Variants in AFF3 observed in about 807,000 individuals in gnomAD.
AFF3 encodes the protein AF4/FMR2 family member 3.
AFF3 carries 32 observed loss-of-function variants against 129.7 expected under a neutral mutation model. That is an observed-to-expected ratio of 0.25 (90% CI 0.19 to 0.33). The LOEUF (loss-of-function observed/expected upper bound fraction) is 0.33. Ranked by LOEUF, AFF3 falls within the 10% of genes least tolerant of loss-of-function variation. AFF3 has a pLI of 1.00. For missense variants in AFF3, 1,373 were observed against 1,592.0 expected, an observed-to-expected ratio of 0.86 and a Z score of 2.34; for synonymous variants, 644 against 635.4, an observed-to-expected ratio of 1.01 and a Z score of -0.20.
intron 8 of AFF3, among the ~76,000 whole-genome samples, chr2:99,836,987 C>T (rs532592724): frequency 2.6e-5 from 4 of 152,114 alleles, no homozygotes; most frequent in Non-Finnish European, 5.9e-5. Context: ...ATGAAAAGGA[C>T]GGGCTCACAG....
At chr2:99,789,176 T>C (rs1450507765) in intron 8 of AFF3, among the ~76,000 whole-genome samples, 1 of 152,180 alleles carries the variant, frequency 6.6e-6, no homozygotes, top group African/African-American at 2.4e-5. Flanking sequence ...GTGCCATGCC[T>C]GTAATTCCAA....
At chr2:99,581,401 T>G (rs1000781085) in intron 17 of AFF3, among the ~76,000 whole-genome samples, 1 of 152,236 alleles carries the variant, frequency 6.6e-6, no homozygotes, top group Non-Finnish European at 1.5e-5. Context: ...CTGAGGATGC[T>G]GTAAGATTTA....
At position 100,072,931 on chromosome 2, in the gene AFF3, G is replaced by A. The variant is rs187495779; in HGVS notation, c.53+31471C>T. ...ATTAAATGACTTGGCTAGTTCACTC[G>A]TTGATTAAAATACGAAGAAGTTATT... is the stretch of plus-strand genomic sequence containing the variant. On this transcript the variant is annotated intron_variant, in intron 4 of 24. Coordinates refer to ENST00000672756, the MANE Select transcript of AFF3 (RefSeq NM_001386135.1). Among the ~76,000 whole-genome samples the A allele has an allele frequency of 4.6e-5, 7 of 152,164 alleles. 1 individual carries two copies. In the East Asian group the frequency reaches 1.2e-3, roughly 25 times the overall value.
intron 7 of AFF3, among the ~76,000 whole-genome samples, chr2:99,927,463 A>G (rs1304220491): frequency 6.6e-6 from 1 of 152,208 alleles, no homozygotes; most frequent in Non-Finnish European, 1.5e-5. Context: ...TATCCTAGGC[A>G]AATGAACTCA....
chr2:99,821,560 A>G (rs1687685486), intron 8 of AFF3, among the ~76,000 whole-genome samples: 2 of 152,348 alleles, frequency 1.3e-5, no homozygotes, highest in South Asian at 2.1e-4. Context: ...GTTGGGCCGC[A>G]TTCAAAGCCG....
At chr2:99,901,857 A>G (rs938165736) in intron 7 of AFF3, among the ~76,000 whole-genome samples, 3 of 151,994 alleles carry the variant, frequency 2.0e-5, no homozygotes, top group South Asian at 2.1e-4. Flanking sequence ...TGCCCCCCAG[A>G]GCAGAAGGCC....
chr2:100,042,614 A>C (rs997288470), intron 4 of AFF3, among the ~76,000 whole-genome samples: 4 of 152,088 alleles, frequency 2.6e-5, no homozygotes, highest in African/African-American at 9.7e-5. Flanking sequence ...AGAAAAAAAA[A>C]TTTAGCAGCT....
At chr2:100,079,634 C>T (rs1688880839) in intron 4 of AFF3, among the ~76,000 whole-genome samples, 2 of 152,132 alleles carry the variant, frequency 1.3e-5, no homozygotes, top group Non-Finnish European at 2.9e-5. Context: ...ATATGATGAA[C>T]TGTACTTTCT....
chr2:99,677,522 G>A (rs1009120951), intron 11 of AFF3, among the ~76,000 whole-genome samples: 1 of 152,112 alleles, frequency 6.6e-6, no homozygotes, highest in Non-Finnish European at 1.5e-5. Flanking sequence ...TACAATGATT[G>A]TTGGGCATGT....
At chr2:99,947,321 T>C (rs1675664945) in intron 7 of AFF3, among the ~76,000 whole-genome samples, 2 of 151,990 alleles carry the variant, frequency 1.3e-5, no homozygotes, top group African/African-American at 4.8e-5. Flanking sequence ...CAGACACCTG[T>C]AATCCCAGCT....
In AFF3 at chr2:100,134,761, C is replaced by T. The variant is rs534311498; in HGVS notation, c.-227-5455G>A. The stretch of plus-strand genomic sequence containing the variant: ...ATCATTTACTGAAAAGTTATCCAAT[C>T]GTTCATTTATTCAGTAAACAGTTTA... On this transcript the variant is annotated intron_variant, in intron 1 of 24. Coordinates refer to ENST00000672756, the MANE Select transcript of AFF3 (RefSeq NM_001386135.1). Among the ~76,000 whole-genome samples, 7 of 152,308 alleles carry T rather than the reference C, an allele frequency of 4.6e-5. No individual in the cohort carries two copies. The South Asian group carries it at 1.2e-3, about 27-fold the overall frequency.
chr2:100,001,069 G>T (rs1573065609), intron 7 of AFF3, among the ~76,000 whole-genome samples: 1 of 152,218 alleles, frequency 6.6e-6, no homozygotes. Flanking sequence ...GGCCCTGGAG[G>T]CTGCAGCTGA....
intron 7 of AFF3, among the ~76,000 whole-genome samples, chr2:99,961,537 A>T (rs1347141734): frequency 1.3e-5 from 2 of 152,184 alleles, no homozygotes; most frequent in Non-Finnish European, 2.9e-5. Context: ...TTTAGAGATT[A>T]TCTGTCTCTG....
chr2:99,596,772 A>G (rs1351666943), intron 14 of AFF3, among the ~76,000 whole-genome samples: 5 of 152,224 alleles, frequency 3.3e-5, no homozygotes, highest in Non-Finnish European at 1.5e-5. Context: ...AGAAGGGCAG[A>G]ATTTAATACA....
chr2:99,999,617 C>T (rs1369574872), intron 7 of AFF3, among the ~76,000 whole-genome samples: 1 of 152,142 alleles, frequency 6.6e-6, no homozygotes, highest in East Asian at 1.9e-4. Context: ...AAATGCAAAG[C>T]AAATAGGGCC....
At chr2:99,806,145 C>T (rs1217367405) in intron 8 of AFF3, among the ~76,000 whole-genome samples, 3 of 152,174 alleles carry the variant, frequency 2.0e-5, no homozygotes, top group African/African-American at 7.2e-5. Flanking sequence ...ATAAGGTTCG[C>T]ATTTGTCAGA....
rs112842439 is a variant in AFF3 at position 100,076,349 on chromosome 2, T to C, written c.53+28053A>G. On this transcript the variant is annotated intron_variant, in intron 4 of 24. Transcript: ENST00000672756. ...GACAGTCAGTATCACATTCAGACTG[T>C]GTGCAGGAATTTCTTCCCCACAGAG... is the stretch of plus-strand genomic sequence containing the variant. Among the ~76,000 whole-genome samples, 1,250 of 152,320 alleles carry C rather than the reference T, an allele frequency of 8.2e-3. 10 individuals carry two copies. Among genetic ancestry groups the C allele is most frequent in the Non-Finnish European group, 0.014 (946 of 68,024 alleles).
At chr2:99,963,446 C>T (rs1433791255) in intron 7 of AFF3, among the ~76,000 whole-genome samples, 1 of 152,060 alleles carries the variant, frequency 6.6e-6, no homozygotes, top group Non-Finnish European at 1.5e-5. Flanking sequence ...AAGACAATTA[C>T]ATTTAAAGAG....
chr2:99,864,471 C>A (rs577225982), intron 7 of AFF3, among the ~76,000 whole-genome samples: 1 of 152,218 alleles, frequency 6.6e-6, no homozygotes, highest in Non-Finnish European at 1.5e-5. Context: ...TTTAAAAACA[C>A]AAAAATAGAC....
Sources: allele counts gnomAD v4.1 joint callset (sites outside exome capture counted in the v4.1 genomes callset), GRCh38; gene constraint gnomAD v4.1.1; transcripts MANE v1.5; gene names NCBI Gene and HGNC (gene_info 2026-07-23, HGNC 2026-07-21).